TECPR2: variants seen among roughly 807,000 people sequenced by gnomAD.
The protein encoded by TECPR2 is tectonin beta-propeller repeat containing 2, also known as tectonin beta-propeller repeat-containing protein 2.
Under a neutral mutation model 138.1 loss-of-function variants are expected in TECPR2, and 65 were observed. The observed-to-expected ratio is 0.47, with a 90% CI of 0.39 to 0.58. The LOEUF (loss-of-function observed/expected upper bound fraction) is 0.58. Among genes scored for constraint, TECPR2 ranks in the 20% least tolerant of loss-of-function variants. The probability of loss-of-function intolerance (pLI) is 0.00; values close to 1 mark genes in which losing one functional copy is unlikely to be tolerated. For synonymous variants in TECPR2, 746 were observed against 749.8 expected (o/e 0.99, Z 0.08); for missense variants, 1,553 against 1,824.5 (o/e 0.85, Z 2.71).
At chr14:102,406,724 C>T (rs2139692530) in intron 2 of TECPR2, among the ~76,000 whole-genome samples, 1 of 152,218 alleles carries the variant, frequency 6.6e-6, no homozygotes, top group Middle Eastern at 3.4e-3. Flanking sequence ...GTGTGGGGCA[C>T]ACGTCTGTAG....
chr14:102,462,066 T>C (rs1890424649), intron 16 of TECPR2, among the ~76,000 whole-genome samples: 2 of 152,206 alleles, frequency 1.3e-5, no homozygotes, highest in Admixed American at 1.3e-4. Context: ...TTTATATGTG[T>C]TCTGAAAGGT....
At chr14:102,389,330 A>G (rs925775272) in intron 2 of TECPR2, among the ~76,000 whole-genome samples, 2 of 152,128 alleles carry the variant, frequency 1.3e-5, no homozygotes, top group Non-Finnish European at 2.9e-5. Flanking sequence ...TGTCTTAATA[A>G]ATACATAAAT....
At position 102,435,037 on chromosome 14, in the gene TECPR2, T is replaced by C. The variant is rs1184900630; in HGVS notation, c.2220T>C (p.Leu740=). ...CAGCCAGCACTCACAAGCCCTGGCTTGAGCAGCCTCCACGGGATCAGACAT... is the reference window on the plus strand; with the variant it reads ...CAGCCAGCACTCACAAGCCCTGGCTCGAGCAGCCTCCACGGGATCAGACAT... The part of the protein sequence containing the change: ...ALAASTHKPW[L]EQPPRDQTLT... The change falls in exon 9 of 20, where the codon CTT becomes CTC. Residue 740 remains leucine, a synonymous_variant. Coordinates refer to ENST00000359520, the MANE Select transcript of TECPR2 (RefSeq NM_014844.5). The C allele has an allele frequency of 6.2e-7, 1 of 1,614,086 alleles. No homozygotes were observed. Among genetic ancestry groups the C allele is most frequent in the Admixed American group, 1.7e-5 (1 of 60,026 alleles).
Position 102,376,921 on chromosome 14 carries a change from T to C in TECPR2, c.200T>C (p.Met67Thr), listed in dbSNP as rs569137241. Residue 67 changes from methionine to threonine, a missense_variant, in exon 2 of 20, where the codon ATG becomes ACG. Transcript: ENST00000359520. ...CTGTACTGCCGGCACCTCAACCAGA[T>C]GAGGAAGTACAACTTTGAGGTGAGC... ...LYLYCRHLNQ[M>T]RKYNFEGKTE... 6.2e-7 allele frequency: 1 copy of C among 1,613,784 alleles called. No individual in the cohort carries two copies. Among genetic ancestry groups the C allele is most frequent in the Admixed American group, 1.7e-5 (1 of 59,966 alleles).
Position 102,450,654 on chromosome 14 carries a change from G to C in TECPR2, c.3406+5G>C. On this transcript the variant is annotated splice_donor_5th_base_variant and intron_variant, in intron 15 of 19. Coordinates refer to ENST00000359520, the MANE Select transcript of TECPR2 (RefSeq NM_014844.5). ...CTGCAGCTCCCACGAAGGAAGGTGG[G>C]TCAGTCTTAGCCTCACTGAAGAATC... The C allele has an allele frequency of 6.2e-7, 1 of 1,614,090 alleles. No homozygotes were observed. Among genetic ancestry groups the C allele is most frequent in the Non-Finnish European group, 8.5e-7 (1 of 1,179,962 alleles).
intron 1 of TECPR2, among the ~76,000 whole-genome samples, chr14:102,374,011 G>A (rs1887575732): frequency 6.6e-6 from 1 of 150,502 alleles, no homozygotes; most frequent in Admixed American, 6.6e-5. Flanking sequence ...GGCGAGTGTT[G>A]CAGTGAGCCG....
At chr14:102,436,900 A>G (rs1393751031) in intron 9 of TECPR2, 1 of 782,684 alleles carries the variant, frequency 1.3e-6, no homozygotes, top group African/African-American at 1.9e-5. Context: ...TTAGCCAGGC[A>G]GACTGTCGGT....
At chr14:102,494,984 G>A (rs1368685167) in intron 17 of TECPR2, among the ~76,000 whole-genome samples, 1 of 152,160 alleles carries the variant, frequency 6.6e-6, no homozygotes, top group African/African-American at 2.4e-5. Flanking sequence ...AGGCCAAGGG[G>A]AATGGCTCAC....
At chr14:102,481,241 T>G (rs1890887448) in intron 17 of TECPR2, among the ~76,000 whole-genome samples, 1 of 151,488 alleles carries the variant, frequency 6.6e-6, no homozygotes, top group African/African-American at 2.4e-5. Context: ...TGATCTCAGG[T>G]GATCTGCCCG....
chr14:102,496,886 C>CT, intron 17 of TECPR2, 93 bp from the exon 18 acceptor site: 1 of 1,546,836 alleles, frequency 6.5e-7, no homozygotes. Flanking sequence ...CTGCTGCATG[C>CT]TGCCACTAAC....
chr14:102,427,729 C>G (rs557244141), intron 6 of TECPR2, among the ~76,000 whole-genome samples: 1 of 152,166 alleles, frequency 6.6e-6, no homozygotes, highest in Admixed American at 6.6e-5. Flanking sequence ...GGGGACTAGA[C>G]GTGTCTGCAC....
chr14:102,458,595 G>C (rs1381522990), intron 16 of TECPR2, among the ~76,000 whole-genome samples: 1 of 152,066 alleles, frequency 6.6e-6, no homozygotes, highest in Non-Finnish European at 1.5e-5. Context: ...TTTGGGTAGA[G>C]ATGGGGTTTC....
At chr14:102,416,905 AC>A (rs1470746586) in intron 5 of TECPR2, among the ~76,000 whole-genome samples, 1 of 152,094 alleles carries the variant, frequency 6.6e-6, no homozygotes, top group Non-Finnish European at 1.5e-5. Flanking sequence ...AATCGCTTGA[AC>A]CGGGGAGACA....
At chr14:102,487,131 C>G (rs1333093843) in intron 17 of TECPR2, among the ~76,000 whole-genome samples, 1 of 152,146 alleles carries the variant, frequency 6.6e-6, no homozygotes, top group Non-Finnish European at 1.5e-5. Flanking sequence ...GGGAGAGAGA[C>G]TTGGAGGGAA....
intron 17 of TECPR2, among the ~76,000 whole-genome samples, chr14:102,474,620 A>G (rs1242454566): frequency 2.0e-5 from 3 of 152,172 alleles, no homozygotes; most frequent in African/African-American, 7.2e-5. Flanking sequence ...GCGAAACTCC[A>G]TCTCAAAAAA....
At chr14:102,453,429 G>A (rs369609720) in intron 16 of TECPR2, among the ~76,000 whole-genome samples, 6 of 151,696 alleles carry the variant, frequency 4.0e-5, no homozygotes, top group South Asian at 4.2e-4. Flanking sequence ...GCAGTGAGCC[G>A]AGATCATGCC....
rs1298795737 is a variant in TECPR2, at chr14:102,434,968, C to A, written c.2151C>A (p.Val717=). The change falls in exon 9 of 20, where the codon GTC becomes GTA. Residue 717 remains valine (V), a synonymous_variant. Coordinates refer to ENST00000359520, the MANE Select transcript of TECPR2 (RefSeq NM_014844.5). ...AAGAAATACCCATTTCTGAACGTGT[C>A]TTGGGGAGTGTGGGAGGACAGCTGA... ...GQKEIPISER[V]LGSVGGQLTP... is the part of the protein sequence containing the mutation. The A allele has an allele frequency of 6.2e-7, 1 of 1,613,992 alleles. No individual in the cohort carries two copies. The highest frequency in any genetic ancestry group is 2.2e-5 in the East Asian group (1 of 44,892).
intron 6 of TECPR2, among the ~76,000 whole-genome samples, chr14:102,427,162 A>T (rs115764477): frequency 6.6e-6 from 1 of 152,302 alleles, no homozygotes; most frequent in African/African-American, 2.4e-5. Flanking sequence ...TCATTTTATA[A>T]GGGATATTCT....
chr14:102,499,215 G>A lies in TECPR2; in HGVS notation c.*958G>A, dbSNP rs1264963102. ...ATGGGGCGTGGGGGAGCTGAGCAAG[G>A]GTCGCTCACTTAGAAATGTCTTTGG... On this transcript the variant is annotated 3_prime_UTR_variant, in exon 20 of 20. Transcript: ENST00000359520. 8.6e-6 allele frequency: 6 copies of A among 694,060 alleles called. No individual in the cohort carries two copies. The highest frequency in any genetic ancestry group is 2.7e-5 in the East Asian group (1 of 37,024). 43.0% of individuals were successfully genotyped at this position (694,060 alleles called of 1,614,324 possible).
Sources: allele counts gnomAD v4.1 joint callset (sites outside exome capture counted in the v4.1 genomes callset), GRCh38; gene constraint gnomAD v4.1.1; transcripts MANE v1.5; gene names NCBI Gene and HGNC (gene_info 2026-07-23, HGNC 2026-07-21).